The following CTNNBL1 variants were observed in gnomAD, a reference collection of about 807,000 sequenced individuals.
CTNNBL1 encodes the protein catenin beta like 1, also known as beta-catenin-like protein 1.
CTNNBL1 carries 31 observed loss-of-function variants against 72.7 expected under a neutral mutation model. That is an observed-to-expected ratio of 0.43 (90% CI 0.32 to 0.58). CTNNBL1 has a LOEUF of 0.58. Among genes scored for constraint, CTNNBL1 ranks in the 20% least tolerant of loss-of-function variants. The probability of loss-of-function intolerance (pLI) is 0.08; values close to 1 mark genes in which losing one functional copy is unlikely to be tolerated. For synonymous variants in CTNNBL1, 240 were observed against 267.3 expected (o/e 0.90, Z 1.00); for missense variants, 534 against 725.1 (o/e 0.74, Z 3.03).
chr20:37,799,501 G>A (rs1657770390), intron 10 of CTNNBL1, among the ~76,000 whole-genome samples: 1 of 152,116 alleles, frequency 6.6e-6, no homozygotes, highest in Non-Finnish European at 1.5e-5. Flanking sequence ...TTCTCTGCCT[G>A]GCAAATACTC....
At chr20:37,744,399 A>G (rs2073244180) in intron 3 of CTNNBL1, among the ~76,000 whole-genome samples, 1 of 152,218 alleles carries the variant, frequency 6.6e-6, no homozygotes, top group African/African-American at 2.4e-5. Flanking sequence ...AGGAATGCAT[A>G]CATCTTAGTG....
chr20:37,767,699 A>G (rs1028164130), intron 6 of CTNNBL1, among the ~76,000 whole-genome samples: 2 of 152,178 alleles, frequency 1.3e-5, no homozygotes, highest in Non-Finnish European at 2.9e-5. Flanking sequence ...GTTGTTCCCT[A>G]TTAGCATGGA....
chr20:37,813,841 A>G (rs1358663479), intron 11 of CTNNBL1, among the ~76,000 whole-genome samples: 3 of 152,250 alleles, frequency 2.0e-5, no homozygotes, highest in Non-Finnish European at 4.4e-5. Context: ...GGTGGTGCCA[A>G]AATGGGGAAA....
chr20:37,868,470 ATGCAGGCACATAGCAG>A (rs2072555762), intron 15 of CTNNBL1, among the ~76,000 whole-genome samples: 1 of 152,126 alleles, frequency 6.6e-6, no homozygotes, highest in Non-Finnish European at 1.5e-5. Context: ...AACCTAGAAA[ATGCAGGCACATAGCAG>A]TGCACAGCAC....
intron 13 of CTNNBL1, among the ~76,000 whole-genome samples, chr20:37,845,430 C>T (rs959900106): frequency 1.3e-5 from 2 of 152,224 alleles, no homozygotes; most frequent in Non-Finnish European, 2.9e-5. Context: ...GCACCAAGGC[C>T]GTGCTGTTCC....
chr20:37,769,152 A>G (rs1376173693), intron 7 of CTNNBL1, among the ~76,000 whole-genome samples: 6 of 152,244 alleles, frequency 3.9e-5, no homozygotes, highest in Non-Finnish European at 8.8e-5. Flanking sequence ...CTGTAGTTTC[A>G]GGCATCCACT....
intron 11 of CTNNBL1, among the ~76,000 whole-genome samples, chr20:37,827,716 G>A (rs1216596227): frequency 6.6e-6 from 1 of 152,160 alleles, no homozygotes; most frequent in East Asian, 1.9e-4. Flanking sequence ...TGTAGTATCT[G>A]GATCTGAGCC....
rs541668203 is a variant in CTNNBL1, at chr20:37,832,856, G to A, written c.1214-7246G>A. Among the ~76,000 whole-genome samples, 164 of 151,626 alleles carry A rather than the reference G, an allele frequency of 1.1e-3. 1 individual carries two copies. Among genetic ancestry groups the A allele is most frequent in the Non-Finnish European group, 1.1e-3 (72 of 67,944 alleles). On this transcript the variant is annotated intron_variant, in intron 11 of 15. Coordinates refer to ENST00000361383, the MANE Select transcript of CTNNBL1 (RefSeq NM_030877.5). Reference sequence around the variant, plus strand: ...CCATCCCATTCTTCACAAAAATGGTGCACACTATAAATGGCTGGTTGGAGT... The same window carrying A: ...CCATCCCATTCTTCACAAAAATGGTACACACTATAAATGGCTGGTTGGAGT...
chr20:37,861,201 G>A (rs1466697468), intron 15 of CTNNBL1, among the ~76,000 whole-genome samples: 2 of 152,224 alleles, frequency 1.3e-5, no homozygotes, highest in East Asian at 3.8e-4. Context: ...CTGGCACACA[G>A]CGGGTGCTCA....
At chr20:37,795,341 A>C (rs550419029) in intron 10 of CTNNBL1, among the ~76,000 whole-genome samples, 1 of 152,244 alleles carries the variant, frequency 6.6e-6, no homozygotes, top group East Asian at 1.9e-4. Context: ...TTTAGTAGAA[A>C]TACAGTTTTG....
At chr20:37,764,193 C>T (rs2073443528) in intron 5 of CTNNBL1, among the ~76,000 whole-genome samples, 1 of 152,100 alleles carries the variant, frequency 6.6e-6, no homozygotes. Context: ...GTGAGGAAAC[C>T]GAAACACTGA....
In CTNNBL1 at chr20:37,768,043, A is replaced by G; in HGVS notation, c.749A>G (p.Lys250Arg). 1 of 1,613,664 alleles carries G rather than the reference A, an allele frequency of 6.2e-7. No homozygotes were observed. Among genetic ancestry groups the G allele is most frequent in the Non-Finnish European group, 8.5e-7 (1 of 1,179,718 alleles). The change falls in exon 7 of 16, where the codon AAG becomes AGG. Residue 250 changes from lysine to arginine, a missense_variant and splice_region_variant. Coordinates refer to ENST00000361383, the MANE Select transcript of CTNNBL1 (RefSeq NM_030877.5). ...CTACAGTGGCTGTTGAAGAGGCTGA[A>G]GGTGAGTTTGGCTGTGGGGAACTGC... ...GLLQWLLKRL[K>R]AKMPFDANKL...
chr20:37,777,589 T>C, intron 8 of CTNNBL1, 65 bp from the exon 9 acceptor site: 1 of 1,504,872 alleles, frequency 6.6e-7, no homozygotes, highest in African/African-American at 1.4e-5. Flanking sequence ...GTATCAGTGT[T>C]AGACGGCTGT....
intron 11 of CTNNBL1, among the ~76,000 whole-genome samples, chr20:37,835,635 A>G (rs1029399881): frequency 6.6e-6 from 1 of 152,200 alleles, no homozygotes; most frequent in Non-Finnish European, 1.5e-5. Context: ...TAATTCCACT[A>G]CTAGGAATAT....
At chr20:37,793,239 G>A (rs1331470128) in intron 10 of CTNNBL1, among the ~76,000 whole-genome samples, 4 of 152,168 alleles carry the variant, frequency 2.6e-5, no homozygotes, top group Non-Finnish European at 4.4e-5. Context: ...ACCTCTGACT[G>A]TAATTCGGGA....
chr20:37,785,610 T>C (rs2073666054), intron 10 of CTNNBL1, among the ~76,000 whole-genome samples: 1 of 152,240 alleles, frequency 6.6e-6, no homozygotes, highest in African/African-American at 2.4e-5. Context: ...ACTATTTCAA[T>C]ATCCGTAAAA....
At chr20:37,778,979 A>G (rs1228488392) in intron 9 of CTNNBL1, among the ~76,000 whole-genome samples, 1 of 151,154 alleles carries the variant, frequency 6.6e-6, no homozygotes, top group African/African-American at 2.4e-5. Flanking sequence ...TGGTCAGTAG[A>G]GTGTTTTGGC....
intron 2 of CTNNBL1, among the ~76,000 whole-genome samples, chr20:37,734,744 C>G (rs1053278278): frequency 6.6e-6 from 1 of 152,222 alleles, no homozygotes; most frequent in African/African-American, 2.4e-5. Context: ...TGTGCTACAT[C>G]ATCAGCATTC....
At chr20:37,735,239 C>G (rs1600452634) in intron 2 of CTNNBL1, among the ~76,000 whole-genome samples, 1 of 152,176 alleles carries the variant, frequency 6.6e-6, no homozygotes. Flanking sequence ...CTCCCTTCCT[C>G]CATTCCTCAG....
Sources: gnomAD v4.1 joint callset for allele counts (sites outside exome capture counted in the v4.1 genomes callset) on GRCh38, gnomAD v4.1.1 for gene constraint, MANE v1.5 for transcripts, NCBI Gene and HGNC (gene_info 2026-07-23, HGNC 2026-07-21) for gene names.